Variants in CACNG5 observed in about 807,000 individuals in gnomAD.
CACNG5 encodes the protein voltage-dependent calcium channel gamma-5 subunit.
CACNG5 carries 18 observed loss-of-function variants against 24.8 expected under a neutral mutation model. The ratio of observed to expected loss-of-function variants is 0.73; its 90% CI spans 0.50 to 1.08. The LOEUF (loss-of-function observed/expected upper bound fraction) is 1.08. Among genes scored for constraint, CACNG5 ranks in the 50% least tolerant of loss-of-function variants. The pLI, the probability that CACNG5 is intolerant of heterozygous loss-of-function variation, is 0.00. For synonymous variants in CACNG5, 157 were observed against 149.1 expected (o/e 1.05, Z -0.39); for missense variants, 349 against 367.9 (o/e 0.95, Z 0.42).
intron 1 of CACNG5, among the ~76,000 whole-genome samples, chr17:66,835,968 T>C (rs889891289): frequency 2.0e-5 from 3 of 152,212 alleles, no homozygotes; most frequent in African/African-American, 2.4e-5. Flanking sequence ...AATTTGGCAG[T>C]TGATGAAGAT....
At chr17:66,881,525 G>A (rs74812201) in intron 4 of CACNG5, among the ~76,000 whole-genome samples, 4,790 of 152,260 alleles carry the variant, frequency 0.031, 90 homozygotes, top group Middle Eastern at 0.061. Context: ...ACTGATGCCA[G>A]GTTGTACTTC....
At chr17:66,874,536 A>G (rs751651730) in intron 1 of CACNG5, among the ~76,000 whole-genome samples, 6 of 152,224 alleles carry the variant, frequency 3.9e-5, no homozygotes, top group Non-Finnish European at 8.8e-5. Flanking sequence ...CAACTGTCTC[A>G]AGGGAACTAA....
chr17:66,847,715 T>G (rs1449341066), intron 1 of CACNG5, among the ~76,000 whole-genome samples: 1 of 152,108 alleles, frequency 6.6e-6, no homozygotes, highest in Non-Finnish European at 1.5e-5. Flanking sequence ...GTCATGGCCC[T>G]AGGAGACAGG....
intron 1 of CACNG5, among the ~76,000 whole-genome samples, chr17:66,843,688 G>A (rs1321696600): frequency 6.6e-6 from 1 of 152,082 alleles, no homozygotes; most frequent in African/African-American, 2.4e-5. Flanking sequence ...ACTTCCATGA[G>A]CCGTTCGTGG....
At position 66,861,062 on chromosome 17, in the gene CACNG5, A is replaced by G. The variant is rs184227963; in HGVS notation, c.-103-16168A>G. On this transcript the variant is annotated intron_variant, in intron 1 of 5. Coordinates refer to ENST00000533854, the MANE Select transcript of CACNG5 (RefSeq NM_145811.3). ...ACACACACACCAGAAGTATAATTGC[A>G]TATTTCTTCTCGACAGATATAAAAA... is the stretch of plus-strand genomic sequence containing the variant. Among the ~76,000 whole-genome samples, 258 of 152,294 alleles carry G rather than the reference A, an allele frequency of 1.7e-3. 1 individual carries two copies. The highest frequency in any genetic ancestry group is 6.1e-3 in the African/African-American group (252 of 41,562).
chr17:66,837,535 A>G (rs574206022), intron 1 of CACNG5, among the ~76,000 whole-genome samples: 1 of 152,332 alleles, frequency 6.6e-6, no homozygotes, highest in Non-Finnish European at 1.5e-5. Context: ...AATTGGGACT[A>G]GCTACTTAAG....
At position 66,863,325 on chromosome 17, in the gene CACNG5, C is replaced by T. The variant is rs116238881; in HGVS notation, c.-103-13905C>T. ...AGATAATATTATTATTCCTTTTTTCCGTTTCACACTCACTGTTTTTTTTTG... is the reference window on the plus strand; with the variant it reads ...AGATAATATTATTATTCCTTTTTTCTGTTTCACACTCACTGTTTTTTTTTG... On this transcript the variant is annotated intron_variant, in intron 1 of 5. Transcript: ENST00000533854. Among the ~76,000 whole-genome samples the T allele has an allele frequency of 5.6e-3, 837 of 149,278 alleles. 8 individuals are homozygous for T. The highest frequency in any genetic ancestry group is 0.021 in the African/African-American group (805 of 39,126).
At chr17:66,884,886 C>T in intron 5 of CACNG5, 97 bp from the exon 6 acceptor site, 2 of 1,613,608 alleles carry the variant, frequency 1.2e-6, no homozygotes, top group Non-Finnish European at 1.7e-6. Flanking sequence ...ACGTCCACTT[C>T]CCACCCCACT....
Position 66,885,285 on chromosome 17 carries a change from C to T in CACNG5, c.*45C>T. 1 of 1,528,350 alleles carries T rather than the reference C, an allele frequency of 6.5e-7. No homozygotes were observed. 94.7% of individuals were successfully genotyped at this position (1,528,350 alleles called of 1,614,324 possible). ...CTGGACTGTGGGTGGCCAGACAACC[C>T]TTCCTGTTCTCTCCAGGTGACCCCT... On this transcript the variant is annotated 3_prime_UTR_variant, in exon 6 of 6. Coordinates refer to ENST00000533854, the MANE Select transcript of CACNG5 (RefSeq NM_145811.3).
chr17:66,851,786 G>C (rs1976712100), intron 1 of CACNG5, among the ~76,000 whole-genome samples: 1 of 152,204 alleles, frequency 6.6e-6, no homozygotes, highest in African/African-American at 2.4e-5. Flanking sequence ...ACACCTAAGA[G>C]AATATCATGA....
At chr17:66,847,892 C>G (rs569900314) in intron 1 of CACNG5, among the ~76,000 whole-genome samples, 1 of 152,220 alleles carries the variant, frequency 6.6e-6, no homozygotes, top group Non-Finnish European at 1.5e-5. Context: ...ATGCACAGCA[C>G]CAAGGCCAGC....
Position 66,838,529 on chromosome 17 carries a change from G to A in CACNG5, c.-104+3279G>A, listed in dbSNP as rs1018567687. On this transcript the variant is annotated intron_variant, in intron 1 of 5. Coordinates refer to ENST00000533854, the MANE Select transcript of CACNG5 (RefSeq NM_145811.3). ...GGCGCCCAGGGGGCTTGATGATGTG[G>A]ACTGGTCCTGGCTGGTGAAGCCCCA... 1.2e-4 allele frequency among the ~76,000 whole-genome samples: 18 copies of A among 151,846 alleles called. 1 individual carries two copies. The highest frequency in any genetic ancestry group is 1.2e-3 in the Admixed American group (18 of 15,248).
At chr17:66,857,419 T>C (rs1255560278) in intron 1 of CACNG5, among the ~76,000 whole-genome samples, 1 of 152,156 alleles carries the variant, frequency 6.6e-6, no homozygotes, top group Non-Finnish European at 1.5e-5. Context: ...AGCCACATGA[T>C]GTAACTGAAA....
chr17:66,882,423 G>A (rs1404878459), intron 4 of CACNG5, among the ~76,000 whole-genome samples: 2 of 152,120 alleles, frequency 1.3e-5, no homozygotes, highest in African/African-American at 4.8e-5. Flanking sequence ...GAGTGACTTG[G>A]ACCAAAGATA....
chr17:66,857,859 C>G (rs1011456572), intron 1 of CACNG5, among the ~76,000 whole-genome samples: 1 of 152,164 alleles, frequency 6.6e-6, no homozygotes, highest in Non-Finnish European at 1.5e-5. Context: ...CCCACTCCAT[C>G]CCACCCCCAG....
rs902393168 is a variant in CACNG5 at position 66,889,848 on chromosome 17, T to C, written c.*4608T>C. Among the ~76,000 whole-genome samples, 4 of 152,252 alleles carry C rather than the reference T, an allele frequency of 2.6e-5. No individual in the cohort carries two copies. Among genetic ancestry groups the C allele is most frequent in the African/African-American group, 9.6e-5 (4 of 41,478 alleles). ...CTTCACAGGACAGTTAGAAAAATGT[T>C]TGGCCAAATATTTGGGCAGCACCAT... On this transcript the variant is annotated 3_prime_UTR_variant, in exon 6 of 6. Transcript: ENST00000533854.
In CACNG5 at chr17:66,884,140, G is replaced by GAA. The variant is rs67618988; in HGVS notation, c.425-361_425-360dup. Among the ~76,000 whole-genome samples, 520 of 104,108 alleles carry GAA rather than the reference G, an allele frequency of 5.0e-3. 2 individuals carry two copies. Among genetic ancestry groups the GAA allele is most frequent in the African/African-American group, 0.015 (493 of 31,864 alleles). The allele number at this position is 104,108 out of a possible 152,430, so 68.3% of individuals were successfully genotyped here. The stretch of plus-strand genomic sequence containing the variant: ...AGAGTGAAAATCCACCTCAAAAAAA[G>GAA]AAAAAAAAAAAAAAAAGAAGAAAAT... On this transcript the variant is annotated intron_variant, in intron 4 of 5. Transcript: ENST00000533854.
Position 66,888,306 on chromosome 17 carries a change from A to G in CACNG5, c.*3066A>G, listed in dbSNP as rs2143141246. 6.7e-6 allele frequency among the ~76,000 whole-genome samples: 1 copy of G among 148,774 alleles called. No homozygotes were observed. The highest frequency in any genetic ancestry group is 2.0e-4 in the East Asian group (1 of 5,024). On this transcript the variant is annotated 3_prime_UTR_variant, in exon 6 of 6. Transcript: ENST00000533854. ...ATGCCTGTAATCCCAGCACTTTGGG[A>G]GGCCGAGGCAGGCAGATCACTAGGT...
At chr17:66,836,490 T>C (rs1234580567) in intron 1 of CACNG5, among the ~76,000 whole-genome samples, 1 of 152,198 alleles carries the variant, frequency 6.6e-6, no homozygotes, top group Non-Finnish European at 1.5e-5. Context: ...ACCACAGGCA[T>C]CTCAGTGGCA....
Sources: allele counts gnomAD v4.1 joint callset (sites outside exome capture counted in the v4.1 genomes callset), GRCh38; gene constraint gnomAD v4.1.1; transcripts MANE v1.5; gene names NCBI Gene and HGNC (gene_info 2026-07-23, HGNC 2026-07-21).